The following DNM3 variants were observed in gnomAD, a reference collection of about 807,000 sequenced individuals.
DNM3 encodes dynamin 3.
In DNM3, 47 loss-of-function variants were observed where a neutral mutation model predicts 101.6. The observed-to-expected ratio is 0.46, with a 90% confidence interval of 0.37 to 0.59. DNM3 has a LOEUF of 0.59. DNM3 is among the 20% of genes least tolerant of loss of function. The pLI is 0.00. For missense variants in DNM3, 849 were observed against 1,085.7 expected, an observed-to-expected ratio of 0.78 and a Z score of 3.06; for synonymous variants, 385 against 387.9, an observed-to-expected ratio of 0.99 and a Z score of 0.09.
chr1:172,019,116 C>T (rs2047656410), intron 4 of DNM3, among the ~76,000 whole-genome samples: 1 of 148,134 alleles, frequency 6.8e-6, no homozygotes, highest in Non-Finnish European at 1.5e-5. Context: ...TACTTTCTCT[C>T]TCTCCTTCTT....
chr1:171,959,995 G>A (rs1000559040), intron 2 of DNM3, among the ~76,000 whole-genome samples: 1 of 152,102 alleles, frequency 6.6e-6, no homozygotes, highest in African/African-American at 2.4e-5. Context: ...CAAAATTCAA[G>A]TTCTTTCTCC....
chr1:171,932,239 T>A (rs539068660), intron 2 of DNM3, among the ~76,000 whole-genome samples: 19 of 151,558 alleles, frequency 1.3e-4, no homozygotes, highest in Non-Finnish European at 2.7e-4. Flanking sequence ...ACTCCTCAGC[T>A]AAAGTGATCC....
chr1:172,351,683 CT>C (rs1024812759), intron 17 of DNM3, among the ~76,000 whole-genome samples: 13 of 152,144 alleles, frequency 8.5e-5, no homozygotes, highest in African/African-American at 3.1e-4. Flanking sequence ...TCAAGACACC[CT>C]TTTATTTTAT....
At chr1:172,413,345 G>T (rs1226898962), downstream of DNM3, among the ~76,000 whole-genome samples, 1 of 152,180 alleles carries the variant, frequency 6.6e-6, no homozygotes, top group Non-Finnish European at 1.5e-5. Flanking sequence ...TCCTGCCTCA[G>T]CCTCCTGAGG....
intron 13 of DNM3, among the ~76,000 whole-genome samples, chr1:172,098,291 G>A (rs571489583): frequency 2.1e-4 from 32 of 152,204 alleles, no homozygotes; most frequent in African/African-American, 4.3e-4. Flanking sequence ...TCTTTCTCAG[G>A]GATGTTCCTT....
chr1:172,036,431 T>G (rs1006229828), intron 6 of DNM3, among the ~76,000 whole-genome samples: 2 of 151,970 alleles, frequency 1.3e-5, no homozygotes, highest in African/African-American at 4.8e-5. Context: ...AGCATGGTAC[T>G]GGTACCAAAA....
intron 1 of DNM3, among the ~76,000 whole-genome samples, chr1:171,854,457 G>A (rs72713710): frequency 0.15 from 22,577 of 152,090 alleles, 2,040 homozygotes; most frequent in East Asian, 0.48. Flanking sequence ...GCCTTTAGAG[G>A]TGCAGTGTTC....
intron 4 of DNM3, among the ~76,000 whole-genome samples, chr1:172,023,477 G>T (rs1476767945): frequency 6.6e-6 from 1 of 152,086 alleles, no homozygotes. Flanking sequence ...CAAAAACATT[G>T]CTCTATTGTT....
rs189970166 is a variant in DNM3, at chr1:172,005,544, A to G, written c.589+16396A>G. On this transcript the variant is annotated intron_variant, in intron 4 of 20. Coordinates refer to ENST00000627582, the MANE Select transcript of DNM3 (RefSeq NM_015569.5). ...ATCACTCGTCTAAGGCTCCTTGCAC[A>G]TTGATGGGTTATAAAGGTGATAACC... Among the ~76,000 whole-genome samples the G allele has an allele frequency of 6.0e-4, 91 of 152,100 alleles. 1 individual carries two copies. The highest frequency in any genetic ancestry group is 5.7e-3 in the Admixed American group (87 of 15,248).
intron 4 of DNM3, among the ~76,000 whole-genome samples, chr1:172,029,697 C>T (rs1311174581): frequency 6.6e-6 from 1 of 152,226 alleles, no homozygotes; most frequent in African/African-American, 2.4e-5. Context: ...TGATAAGCAA[C>T]TTCAGCAAAG....
At chr1:172,282,947 C>G (rs2063546009) in intron 15 of DNM3, among the ~76,000 whole-genome samples, 1 of 152,214 alleles carries the variant, frequency 6.6e-6, no homozygotes, top group Non-Finnish European at 1.5e-5. Context: ...TATGCCCACA[C>G]AGTTCCATCA....
At chr1:171,865,654 A>C (rs1360481910) in intron 1 of DNM3, among the ~76,000 whole-genome samples, 4 of 152,210 alleles carry the variant, frequency 2.6e-5, no homozygotes, top group Non-Finnish European at 5.9e-5. Context: ...ACACATGTAA[A>C]CACCCCATTA....
intron 14 of DNM3, among the ~76,000 whole-genome samples, chr1:172,156,885 G>T (rs2058358893): frequency 6.6e-6 from 1 of 152,026 alleles, no homozygotes; most frequent in African/African-American, 2.4e-5. Flanking sequence ...TTACTTAACT[G>T]TAGTTAATTC....
At chr1:172,282,280 C>T (rs533534501) in intron 15 of DNM3, among the ~76,000 whole-genome samples, 1 of 152,266 alleles carries the variant, frequency 6.6e-6, no homozygotes, top group East Asian at 1.9e-4. Context: ...GTGAACTAAT[C>T]ACTTTCTCCA....
Position 172,411,089 on chromosome 1 carries a change from TATATAA to T in DNM3, c.*3254_*3259del, listed in dbSNP as rs1210216898. 2.6e-5 allele frequency: 26 copies of T among 982,696 alleles called. 1 individual carries two copies. In the South Asian group the frequency reaches 9.4e-4, roughly 36 times the overall value. The allele number at this position is 982,696 out of a possible 1,614,324, so 60.9% of individuals were successfully genotyped here. ...TGATTGTATGTGCACTGTGTGTATATATATAAATATATGTATATGTATGGTTGTAAA... is the reference window on the plus strand; with the variant it reads ...TGATTGTATGTGCACTGTGTGTATATATATATGTATATGTATGGTTGTAAA... On this transcript the variant is annotated 3_prime_UTR_variant, in exon 21 of 21. Coordinates refer to ENST00000627582, the MANE Select transcript of DNM3 (RefSeq NM_015569.5).
intron 17 of DNM3, among the ~76,000 whole-genome samples, chr1:172,349,369 G>T (rs566703522): frequency 5.9e-5 from 9 of 152,086 alleles, no homozygotes; most frequent in Non-Finnish European, 1.0e-4. Flanking sequence ...TAGTTCAGTC[G>T]CTGGCACTTG....
intron 13 of DNM3, among the ~76,000 whole-genome samples, chr1:172,114,314 C>G (rs1410656323): frequency 6.6e-6 from 1 of 152,098 alleles, no homozygotes; most frequent in African/African-American, 2.4e-5. Context: ...TTGTAGAAAC[C>G]AAAAGATAGC....
intron 14 of DNM3, among the ~76,000 whole-genome samples, chr1:172,207,668 G>T (rs1452849333): frequency 6.6e-6 from 1 of 151,908 alleles, no homozygotes; most frequent in Non-Finnish European, 1.5e-5. Flanking sequence ...TTGTTTCTTT[G>T]TTTTTATGTG....
chr1:171,884,144 A>G (rs1395709895), intron 1 of DNM3, among the ~76,000 whole-genome samples: 2 of 152,178 alleles, frequency 1.3e-5, no homozygotes, highest in East Asian at 1.9e-4. Flanking sequence ...GAAAGTTTCT[A>G]GTTGAAGTAA....
Sources: allele counts gnomAD v4.1 joint callset (sites outside exome capture counted in the v4.1 genomes callset), GRCh38; gene constraint gnomAD v4.1.1; transcripts MANE v1.5; gene names NCBI Gene and HGNC (gene_info 2026-07-23, HGNC 2026-07-21).